The following NTF3 variants were observed in gnomAD, a reference collection of about 807,000 sequenced individuals.
NTF3 encodes the protein neurotrophin-3.
A neutral mutation model predicts 26.3 loss-of-function variants in NTF3; 8 were observed. The ratio of observed to expected loss-of-function variants is 0.30; its 90% CI spans 0.18 to 0.55. The LOEUF (loss-of-function observed/expected upper bound fraction) is 0.55, where lower values mean the gene tolerates loss of function less well. NTF3 is among the 20% of genes least tolerant of loss of function. NTF3 has a pLI of 0.93. For missense variants in NTF3, 276 were observed against 352.9 expected (o/e 0.78, Z 1.75); for synonymous variants, 154 against 145.5 (o/e 1.06, Z -0.42).
intron 1 of NTF3, among the ~76,000 whole-genome samples, chr12:5,471,779 T>C (rs1940669388): frequency 6.6e-6 from 1 of 151,846 alleles, no homozygotes; most frequent in Admixed American, 6.6e-5. Context: ...TGCATATCTG[T>C]CTCCCAGAGA....
In NTF3 at chr12:5,436,372, G is replaced by A. The variant is rs959357377; in HGVS notation, c.18+4030G>A. 5.3e-5 allele frequency among the ~76,000 whole-genome samples: 8 copies of A among 152,292 alleles called. 1 individual carries two copies. In the South Asian group the frequency reaches 6.2e-4, roughly 12 times the overall value. On this transcript the variant is annotated intron_variant, in intron 1 of 1. Transcript: ENST00000423158. ...GGCTTGACTATTGGTCAGAAGATCCGGGGCAGATATTTCTGAGAGCAGGGT... is the reference window on the plus strand; with the variant it reads ...GGCTTGACTATTGGTCAGAAGATCCAGGGCAGATATTTCTGAGAGCAGGGT...
At chr12:5,491,800 A>C (rs1371947428) in intron 1 of NTF3, among the ~76,000 whole-genome samples, 1 of 146,480 alleles carries the variant, frequency 6.8e-6, no homozygotes, top group Non-Finnish European at 1.5e-5. Flanking sequence ...GCTCACTGTA[A>C]GCTCCGCCTC....
intron 1 of NTF3, among the ~76,000 whole-genome samples, chr12:5,479,358 G>T (rs934983174): frequency 6.6e-6 from 1 of 152,138 alleles, no homozygotes; most frequent in Admixed American, 6.6e-5. Flanking sequence ...TGTGTAAACC[G>T]GTGCATCACA....
intron 1 of NTF3, 148 bp downstream of exon 1, chr12:5,432,490 C>A: frequency 2.2e-6 from 2 of 929,400 alleles, no homozygotes; most frequent in South Asian, 1.6e-5. Context: ...CTTTCCCGGG[C>A]TTGTGTCTTC....
intron 1 of NTF3, among the ~76,000 whole-genome samples, chr12:5,449,434 T>A (rs1375941105): frequency 6.6e-6 from 1 of 152,234 alleles, no homozygotes; most frequent in African/African-American, 2.4e-5. Context: ...AACACTGTGC[T>A]TCATCTCTTG....
intron 1 of NTF3, among the ~76,000 whole-genome samples, chr12:5,469,092 G>A (rs1240353123): frequency 6.6e-6 from 1 of 151,986 alleles, no homozygotes; most frequent in Non-Finnish European, 1.5e-5. Flanking sequence ...TTGAACTCCT[G>A]CCTAGGAGAC....
intron 1 of NTF3, among the ~76,000 whole-genome samples, chr12:5,482,176 G>GCA (rs200425666): frequency 3.9e-5 from 6 of 152,018 alleles, no homozygotes; most frequent in Non-Finnish European, 7.4e-5. Context: ...ACACGAGCGC[G>GCA]CACACACACA....
At chr12:5,454,136 A>G (rs1214306524) in intron 1 of NTF3, among the ~76,000 whole-genome samples, 2 of 152,176 alleles carry the variant, frequency 1.3e-5, no homozygotes, top group African/African-American at 4.8e-5. Flanking sequence ...TCCAAGATCA[A>G]GGTTGCGGTC....
chr12:5,431,488 C>T (rs946731083), upstream of NTF3, among the ~76,000 whole-genome samples: 1 of 152,068 alleles, frequency 6.6e-6, no homozygotes, highest in African/African-American at 2.4e-5. Flanking sequence ...GGGTGCGGGT[C>T]CCCGGGAGCG....
chr12:5,491,575 A>G (rs1027815697), intron 1 of NTF3, among the ~76,000 whole-genome samples: 1 of 152,184 alleles, frequency 6.6e-6, no homozygotes, highest in African/African-American at 2.4e-5. Context: ...GAGGCAGTGC[A>G]CATGGGTTGT....
intron 1 of NTF3, among the ~76,000 whole-genome samples, chr12:5,440,116 C>T (rs1940219279): frequency 6.6e-6 from 1 of 152,196 alleles, no homozygotes; most frequent in Admixed American, 6.5e-5. Context: ...CTTCTTCCTC[C>T]ACTGATTTCC....
intron 1 of NTF3, among the ~76,000 whole-genome samples, chr12:5,477,833 G>T (rs1940743066): frequency 6.6e-6 from 1 of 152,132 alleles, no homozygotes; most frequent in African/African-American, 2.4e-5. Context: ...TGCAAAAAAG[G>T]GAAGTTCCAG....
At chr12:5,453,521 C>T (rs558221462) in intron 1 of NTF3, among the ~76,000 whole-genome samples, 32 of 152,308 alleles carry the variant, frequency 2.1e-4, no homozygotes, top group Admixed American at 6.5e-4. Context: ...GGAACCTGGT[C>T]GGCAGCTTTT....
intron 1 of NTF3, among the ~76,000 whole-genome samples, chr12:5,465,461 G>C (rs941017260): frequency 1.2e-4 from 18 of 152,210 alleles, no homozygotes; most frequent in Admixed American, 5.9e-4. Flanking sequence ...TTATTCCCCA[G>C]AAGTTTACCA....
chr12:5,476,489 T>C lies in NTF3; in HGVS notation c.19-17705T>C, dbSNP rs181345473. Among the ~76,000 whole-genome samples the C allele has an allele frequency of 7.2e-5, 11 of 152,334 alleles. No individual in the cohort carries two copies. The East Asian group carries it at 1.9e-3, about 27-fold the overall frequency. ...AATTTGCTGGGCACCAAGTAGTTCA[T>C]AGGCCGCGTTTCCCTGTCTTTAGCA... is the stretch of plus-strand genomic sequence containing the variant. On this transcript the variant is annotated intron_variant, in intron 1 of 1. Transcript: ENST00000423158.
intron 1 of NTF3, among the ~76,000 whole-genome samples, chr12:5,462,203 CT>C (rs34124386): frequency 1.4e-5 from 2 of 145,726 alleles, no homozygotes; most frequent in Admixed American, 1.4e-4. Flanking sequence ...AGCACTCTCT[CT>C]CATTGAGTTT....
chr12:5,474,718 G>A (rs370217430), intron 1 of NTF3, among the ~76,000 whole-genome samples: 3 of 152,144 alleles, frequency 2.0e-5, no homozygotes, highest in Admixed American at 6.5e-5. Context: ...ATAGGGTCTC[G>A]GAAACCATTT....
At chr12:5,454,799 T>G (rs1384051483) in intron 1 of NTF3, among the ~76,000 whole-genome samples, 1 of 152,110 alleles carries the variant, frequency 6.6e-6, no homozygotes, top group South Asian at 2.1e-4. Flanking sequence ...GGGGAGTAGA[T>G]GGAGGGTCTT....
At chr12:5,469,479 T>C (rs1364396859) in intron 1 of NTF3, among the ~76,000 whole-genome samples, 1 of 152,106 alleles carries the variant, frequency 6.6e-6, no homozygotes, top group Admixed American at 6.5e-5. Flanking sequence ...CAGGTCACAA[T>C]CATGGGGCCG....
Sources: gnomAD v4.1 joint callset for allele counts (sites outside exome capture counted in the v4.1 genomes callset) on GRCh38, gnomAD v4.1.1 for gene constraint, MANE v1.5 for transcripts, NCBI Gene and HGNC (gene_info 2026-07-23, HGNC 2026-07-21) for gene names.